Variants in OIT3 observed in about 807,000 individuals in gnomAD.
OIT3 encodes oncoprotein induced transcript 3.
A neutral mutation model predicts 52.2 loss-of-function variants in OIT3; 41 were observed. The ratio of observed to expected loss-of-function variants is 0.79; its 90% CI spans 0.61 to 1.02. OIT3 has a LOEUF of 1.02. Ranked by LOEUF, OIT3 falls within the 50% of genes least tolerant of loss-of-function variation. The pLI is 0.00. For synonymous variants in OIT3, 244 were observed against 276.9 expected (o/e 0.88, Z 1.18); for missense variants, 634 against 715.5 (o/e 0.89, Z 1.30).
chr10:72,905,922 T>C (rs1049793525), intron 3 of OIT3, among the ~76,000 whole-genome samples: 1 of 152,238 alleles, frequency 6.6e-6, no homozygotes, highest in Admixed American at 6.5e-5. Flanking sequence ...CCTTGGTTTA[T>C]GTCCTATCTA....
At chr10:72,913,219 G>T in intron 5 of OIT3, 89 bp from the exon 6 acceptor site, 3 of 1,083,780 alleles carry the variant, frequency 2.8e-6, no homozygotes, top group Non-Finnish European at 2.6e-6. Context: ...CAAAAAGCTT[G>T]GGTTGTGTGA....
intron 4 of OIT3, among the ~76,000 whole-genome samples, chr10:72,908,450 A>G (rs962003960): frequency 1.3e-5 from 2 of 152,220 alleles, no homozygotes; most frequent in Non-Finnish European, 2.9e-5. Flanking sequence ...TAATAAAAAT[A>G]CTACCCCAAA....
At chr10:72,925,058 C>A (rs554580430) in intron 7 of OIT3, among the ~76,000 whole-genome samples, 1 of 149,428 alleles carries the variant, frequency 6.7e-6, no homozygotes, top group South Asian at 2.1e-4. Context: ...TTGCAGTGAG[C>A]CAAGATCGCA....
In OIT3 at chr10:72,924,267, A is replaced by C. The variant is rs779052021; in HGVS notation, c.990A>C (p.Thr330=). The change falls in exon 7 of 9, where the codon ACA becomes ACC. Residue 330 remains threonine, a synonymous_variant. Coordinates refer to ENST00000334011, the MANE Select transcript of OIT3 (RefSeq NM_152635.3). The stretch of plus-strand genomic sequence containing the variant: ...AGATTGTGGCCAGCAACCTCGTGAC[A>C]GGTCTACCCAAGCAGACCCCGGGGA... The part of the protein sequence containing the change: ...NDKIVASNLV[T]GLPKQTPGSS... 4 of 1,609,362 alleles carry C rather than the reference A, an allele frequency of 2.5e-6. No homozygotes were observed. Among genetic ancestry groups the C allele is most frequent in the Non-Finnish European group, 8.5e-7 (1 of 1,176,616 alleles).
At chr10:72,925,592 G>C (rs367636516) in intron 7 of OIT3, among the ~76,000 whole-genome samples, 1 of 152,174 alleles carries the variant, frequency 6.6e-6, no homozygotes, top group East Asian at 1.9e-4. Context: ...AGATATAGCA[G>C]TTTGGCTTTG....
intron 6 of OIT3, 51 bp from the exon 7 acceptor site, chr10:72,924,178 G>A (rs369485235): frequency 1.1e-5 from 16 of 1,480,306 alleles, no homozygotes; most frequent in Non-Finnish European, 1.4e-5. Context: ...AAAAAAAACT[G>A]TAGAAACAAA....
At chr10:72,923,256 G>A (rs1020205580) in intron 6 of OIT3, among the ~76,000 whole-genome samples, 1 of 152,152 alleles carries the variant, frequency 6.6e-6, no homozygotes, top group Non-Finnish European at 1.5e-5. Flanking sequence ...CCAGTCCCTA[G>A]TCACCTCAGA....
chr10:72,900,186 G>A (rs1309637349), intron 2 of OIT3, among the ~76,000 whole-genome samples, 191 bp from the exon 3 acceptor site: 6 of 152,158 alleles, frequency 3.9e-5, no homozygotes, highest in Non-Finnish European at 8.8e-5. Flanking sequence ...GCTGGATGCA[G>A]TGGCTTATGC....
chr10:72,914,841 C>T, intron 6 of OIT3, among the ~76,000 whole-genome samples: 1 of 152,098 alleles, frequency 6.6e-6, no homozygotes, highest in Admixed American at 6.6e-5. Flanking sequence ...ATATGTGGGT[C>T]TGCCCAAGAA....
At chr10:72,897,357 A>G (rs901934547) in intron 1 of OIT3, among the ~76,000 whole-genome samples, 1 of 152,186 alleles carries the variant, frequency 6.6e-6, no homozygotes, top group Non-Finnish European at 1.5e-5. Context: ...CATGACATAC[A>G]ATAAAATGTT....
Position 72,913,339 on chromosome 10 carries a change from A to C in OIT3, c.822A>C (p.Glu274Asp), listed in dbSNP as rs760037577. The change falls in exon 6 of 9, where the codon GAA (glutamate) becomes GAC (aspartate). Residue 274 changes from glutamate (E) to aspartate (D), a missense_variant. Physicochemically the swap from Glu to Asp is conservative, Grantham distance 45. Transcript: ENST00000334011. Reference protein sequence around the residue: ...VPVLCKSNAIEVNIPRELVGG... With the variant: ...VPVLCKSNAIDVNIPRELVGG... ...TGTTGTGCAAATCAAATGCCATTGA[A>C]GTGAACATCCCCAGGGAGCTGGTTG... is the stretch of plus-strand genomic sequence containing the variant. 1.2e-6 allele frequency: 2 copies of C among 1,612,224 alleles called. No individual in the cohort carries two copies. The highest frequency in any genetic ancestry group is 4.5e-5 in the East Asian group (2 of 44,806).
chr10:72,917,520 A>G (rs1846084060), intron 6 of OIT3: 1 of 584,296 alleles, frequency 1.7e-6, no homozygotes, highest in Admixed American at 2.6e-5. Flanking sequence ...GACAACATTT[A>G]TCAAACATGG....
At chr10:72,922,387 C>T (rs924543206) in intron 6 of OIT3, among the ~76,000 whole-genome samples, 8 of 151,906 alleles carry the variant, frequency 5.3e-5, no homozygotes, top group African/African-American at 1.9e-4. Context: ...CTTTTTATTC[C>T]TTTTTCTCTA....
At chr10:72,920,520 G>A (rs1472421695) in intron 6 of OIT3, among the ~76,000 whole-genome samples, 1 of 152,088 alleles carries the variant, frequency 6.6e-6, no homozygotes, top group Admixed American at 6.6e-5. Flanking sequence ...TAGTTGTGAT[G>A]TCGGGTTGTT....
At chr10:72,895,216 A>G (rs986679696) in intron 1 of OIT3, among the ~76,000 whole-genome samples, 2 of 152,198 alleles carry the variant, frequency 1.3e-5, no homozygotes, top group Non-Finnish European at 2.9e-5. Flanking sequence ...GCTACCTGTC[A>G]TTAATCACCC....
intron 5 of OIT3, 121 bp downstream of exon 5, chr10:72,911,960 G>A (rs776370246): frequency 2.7e-5 from 22 of 806,588 alleles, no homozygotes; most frequent in Non-Finnish European, 3.6e-5. Flanking sequence ...ATGGCTCTTC[G>A]AGCAGTGTGT....
chr10:72,914,668 T>G (rs1402395266), intron 6 of OIT3, among the ~76,000 whole-genome samples: 1 of 152,276 alleles, frequency 6.6e-6, no homozygotes, highest in East Asian at 1.9e-4. Flanking sequence ...GCCAAAATTC[T>G]GAGTGTGCAA....
intron 6 of OIT3, among the ~76,000 whole-genome samples, chr10:72,922,979 G>A (rs1846134749): frequency 6.6e-6 from 1 of 152,130 alleles, no homozygotes; most frequent in African/African-American, 2.4e-5. Context: ...GCATTCAAGT[G>A]ATTCTCCTGC....
rs752963067 is a variant in OIT3 at position 72,898,847 on chromosome 10, C to T, written c.245C>T (p.Thr82Ile). The stretch of plus-strand genomic sequence containing the variant: ...TGCATACCAGAAAACCACTGTGGAA[C>T]CCACGCACCTGTCTGGCTCAATGGC... The part of the protein sequence containing the change: ...TFCIPENHCG[T>I]HAPVWLNGSH... Residue 82 changes from threonine (T) to isoleucine (I), a missense_variant, in exon 2 of 9, where the codon ACC becomes ATC. Physicochemically the swap from Thr to Ile is moderately conservative, Grantham distance 89 (BLOSUM62 -1). Transcript: ENST00000334011. 1 of 1,614,162 alleles carries T rather than the reference C, an allele frequency of 6.2e-7. No homozygotes were observed. Among genetic ancestry groups the T allele is most frequent in the South Asian group, 1.1e-5 (1 of 91,072 alleles).
Sources: gnomAD v4.1 joint callset for allele counts (sites outside exome capture counted in the v4.1 genomes callset) on GRCh38, gnomAD v4.1.1 for gene constraint, MANE v1.5 for transcripts, NCBI Gene and HGNC (gene_info 2026-07-23, HGNC 2026-07-21) for gene names.